Variants in PDE8B observed in about 807,000 individuals in gnomAD.
PDE8B encodes phosphodiesterase 8B.
A neutral mutation model predicts 101.3 loss-of-function variants in PDE8B; 26 were observed. That is an observed-to-expected ratio of 0.26 (90% CI 0.19 to 0.36). PDE8B has a LOEUF of 0.36. Ranked by LOEUF, PDE8B falls within the 10% of genes least tolerant of loss-of-function variation. PDE8B has a pLI of 1.00. For synonymous variants in PDE8B, 424 were observed against 429.3 expected (o/e 0.99, Z 0.15); for missense variants, 810 against 1,163.1 (o/e 0.70, Z 4.42).
chr5:77,356,992 A>G lies in PDE8B; in HGVS notation c.1167+3586A>G, dbSNP rs567734001. Among the ~76,000 whole-genome samples the G allele has an allele frequency of 8.0e-4, 122 of 152,318 alleles. 1 individual carries two copies. Among genetic ancestry groups the G allele is most frequent in the African/African-American group, 2.0e-3 (85 of 41,570 alleles). Reference sequence around the variant, plus strand: ...GCCTCCAGGAAAAGATACTGTAACCAGTTTCCCAGGCCCCTAGGAGGCTTT... The same window carrying G: ...GCCTCCAGGAAAAGATACTGTAACCGGTTTCCCAGGCCCCTAGGAGGCTTT... On this transcript the variant is annotated intron_variant, in intron 10 of 21. Transcript: ENST00000264917.
chr5:77,118,472 T>C, the PDE8B span: 1 of 398,224 alleles, frequency 2.5e-6, no homozygotes, highest in Admixed American at 4.4e-5. Flanking sequence ...GAGGGAAAGA[T>C]GGTGCCCACC....
chr5:77,375,631 C>T (rs1292721802), intron 10 of PDE8B, among the ~76,000 whole-genome samples: 1 of 152,116 alleles, frequency 6.6e-6, no homozygotes, highest in African/African-American at 2.4e-5. Context: ...TTAATGTCCT[C>T]CTGCAGCTAG....
In PDE8B at chr5:77,347,635, A is replaced by T. The variant is rs150751456; in HGVS notation, c.877-1784A>T. On this transcript the variant is annotated intron_variant, in intron 7 of 21. Coordinates refer to ENST00000264917, the MANE Select transcript of PDE8B (RefSeq NM_003719.5). Reference sequence around the variant, plus strand: ...TGAGGAGTTGAATGTCCACTGGGAGAGACAGAGATAAACAAAAATTTAAAT... The same window carrying T: ...TGAGGAGTTGAATGTCCACTGGGAGTGACAGAGATAAACAAAAATTTAAAT... Among the ~76,000 whole-genome samples, 847 of 152,342 alleles carry T rather than the reference A, an allele frequency of 5.6e-3. 11 individuals are homozygous for T. Among genetic ancestry groups the T allele is most frequent in the African/African-American group, 0.018 (729 of 41,568 alleles).
the PDE8B span, chr5:77,118,453 C>T: frequency 5.0e-6 from 2 of 398,388 alleles, no homozygotes; most frequent in Non-Finnish European, 8.8e-6. Context: ...TCAGAGTACT[C>T]TGGGTGAGGA....
At chr5:77,412,752 T>C (rs1794813606) in intron 16 of PDE8B, among the ~76,000 whole-genome samples, 1 of 151,796 alleles carries the variant, frequency 6.6e-6, no homozygotes, top group South Asian at 2.1e-4. Context: ...TTTTTTTTTG[T>C]CCTTAGGCTT....
At chr5:77,411,304 T>A (rs1034280413) in intron 14 of PDE8B, among the ~76,000 whole-genome samples, 1 of 152,150 alleles carries the variant, frequency 6.6e-6, no homozygotes, top group African/African-American at 2.4e-5. Context: ...ATTAACACAG[T>A]CCCTCTGAGG....
intron 1 of PDE8B, among the ~76,000 whole-genome samples, chr5:77,240,320 C>T (rs1473597088): frequency 1.3e-5 from 2 of 151,688 alleles, no homozygotes; most frequent in East Asian, 3.9e-4. Context: ...CGCCCGGCTA[C>T]TTTTTTGTAT....
At chr5:77,233,652 CTCTGTGTG>C (rs879319239) in intron 1 of PDE8B, among the ~76,000 whole-genome samples, 3,695 of 127,014 alleles carry the variant, frequency 0.029, 59 homozygotes, top group African/African-American at 0.044. Flanking sequence ...CCCCCTGAAG[CTCTGTGTG>C]TGTGTGTGTG....
intron 10 of PDE8B, among the ~76,000 whole-genome samples, chr5:77,377,840 C>T (rs555147199): frequency 1.2e-4 from 18 of 152,302 alleles, no homozygotes; most frequent in African/African-American, 4.1e-4. Context: ...CTTCCCCTGA[C>T]ATCGGTGCTC....
chr5:77,377,877 G>A (rs534706093), intron 10 of PDE8B, among the ~76,000 whole-genome samples: 1 of 152,220 alleles, frequency 6.6e-6, no homozygotes, highest in Admixed American at 6.5e-5. Context: ...CAGACTTCGG[G>A]ACTTATGCTA....
chr5:77,418,408 C>A lies in PDE8B; in HGVS notation c.2091C>A (p.Val697=). Residue 697 remains valine, a synonymous_variant, in exon 18 of 22, where the codon GTC becomes GTA. Transcript: ENST00000264917. The part of the protein sequence containing the change: ...HHTALAFQLT[V]KDTKCNIFKN... ...CCGCCCTGGCCTTCCAGCTCACGGT[C>A]AAGGACACCAAATGCAACATTTTCA... 3 of 1,613,972 alleles carry A rather than the reference C, an allele frequency of 1.9e-6. No homozygotes were observed. The highest frequency in any genetic ancestry group is 2.2e-5 in the East Asian group (1 of 44,874).
intron 12 of PDE8B, among the ~76,000 whole-genome samples, chr5:77,406,408 C>T (rs763163811): frequency 6.6e-6 from 1 of 152,174 alleles, no homozygotes; most frequent in African/African-American, 2.4e-5. Context: ...GAATATGAAT[C>T]GAGAGATTTT....
the PDE8B span, among the ~76,000 whole-genome samples, chr5:77,117,469 A>G: frequency 6.6e-6 from 1 of 152,148 alleles, no homozygotes; most frequent in East Asian, 1.9e-4. Context: ...TACCATGAAG[A>G]CAGGGTCTCA....
At chr5:77,335,046 T>C (rs1777868436) in intron 5 of PDE8B, among the ~76,000 whole-genome samples, 1 of 152,226 alleles carries the variant, frequency 6.6e-6, no homozygotes, top group Admixed American at 6.5e-5. Flanking sequence ...CTTTCCATTT[T>C]TTGCAAAAAC....
At chr5:77,321,143 T>TC (rs1491331572) in intron 2 of PDE8B, among the ~76,000 whole-genome samples, 82 of 20,426 alleles carry the variant, frequency 4.0e-3, no homozygotes, top group African/African-American at 0.026. Flanking sequence ...AGTATCTCTA[T>TC]TTTTTTTTTT....
At chr5:77,423,636 T>G (rs902395609) in intron 20 of PDE8B, among the ~76,000 whole-genome samples, 14 of 98,844 alleles carry the variant, frequency 1.4e-4, no homozygotes, top group African/African-American at 7.4e-4. Flanking sequence ...TGTTTAGTTT[T>G]TTTTTTTTTT....
intron 10 of PDE8B, among the ~76,000 whole-genome samples, chr5:77,369,090 C>T (rs1411368549): frequency 6.7e-6 from 1 of 150,320 alleles, no homozygotes; most frequent in Admixed American, 6.7e-5. Context: ...GTAATCCAAG[C>T]TATTCCAGAG....
At chr5:77,322,979 T>C (rs944154279) in intron 2 of PDE8B, among the ~76,000 whole-genome samples, 2 of 152,216 alleles carry the variant, frequency 1.3e-5, no homozygotes, top group Admixed American at 6.5e-5. Context: ...CATAATGGTG[T>C]CAAGGAAATA....
chr5:77,096,750 A>G, the PDE8B span, among the ~76,000 whole-genome samples: 28 of 152,256 alleles, frequency 1.8e-4, no homozygotes, highest in South Asian at 4.2e-4. Flanking sequence ...CATCCCTCCA[A>G]TCGCTGCCTC....
Sources: allele counts gnomAD v4.1 joint callset (sites outside exome capture counted in the v4.1 genomes callset), GRCh38; gene constraint gnomAD v4.1.1; transcripts MANE v1.5; gene names NCBI Gene and HGNC (gene_info 2026-07-23, HGNC 2026-07-21).